The following CADPS2 variants were observed in gnomAD, a reference collection of about 807,000 sequenced individuals.
CADPS2 encodes the protein calcium-dependent secretion activator 2.
In CADPS2, 93 loss-of-function variants were observed where a neutral mutation model predicts 172.5. The ratio of observed to expected loss-of-function variants is 0.54; its 90% CI spans 0.46 to 0.64. CADPS2 has a LOEUF of 0.64. Ranked by LOEUF, CADPS2 falls within the 30% of genes least tolerant of loss-of-function variation. CADPS2 has a pLI of 0.00. For synonymous variants in CADPS2, 546 were observed against 555.2 expected, an observed-to-expected ratio of 0.98 and a Z score of 0.23; for missense variants, 1,420 against 1,565.9, an observed-to-expected ratio of 0.91 and a Z score of 1.57.
At chr7:122,560,961 T>G (rs1342597161) in intron 7 of CADPS2, among the ~76,000 whole-genome samples, 2 of 152,192 alleles carry the variant, frequency 1.3e-5, no homozygotes, top group African/African-American at 4.8e-5. Flanking sequence ...TATGTGAAGA[T>G]GGATCAGATG....
chr7:122,705,495 CTATAT>C (rs1373005503), intron 2 of CADPS2, among the ~76,000 whole-genome samples: 4 of 112,658 alleles, frequency 3.6e-5, no homozygotes, highest in Admixed American at 1.1e-4. Flanking sequence ...TATATATTAT[CTATAT>C]TATATATTAT....
At chr7:122,516,186 T>C (rs1461626957) in intron 8 of CADPS2, among the ~76,000 whole-genome samples, 1 of 152,162 alleles carries the variant, frequency 6.6e-6, no homozygotes, top group Non-Finnish European at 1.5e-5. Context: ...TATCCCTATC[T>C]AGCTGCTATT....
intron 1 of CADPS2, among the ~76,000 whole-genome samples, chr7:122,819,597 A>G (rs975079371): frequency 3.4e-5 from 5 of 149,234 alleles, no homozygotes; most frequent in Non-Finnish European, 7.4e-5. Context: ...AAACCTCTTA[A>G]AACTCCCCAA....
chr7:122,820,607 T>C (rs1802944436), intron 1 of CADPS2, among the ~76,000 whole-genome samples: 1 of 121,012 alleles, frequency 8.3e-6, no homozygotes, highest in African/African-American at 3.3e-5. Context: ...TCGCCCAGGC[T>C]GGAGTGCAGT....
At chr7:122,860,732 T>C (rs761035682) in intron 1 of CADPS2, among the ~76,000 whole-genome samples, 19 of 152,286 alleles carry the variant, frequency 1.2e-4, no homozygotes, top group Admixed American at 3.3e-4. Context: ...TCTAAACCCC[T>C]GTACCCAATA....
intron 25 of CADPS2, among the ~76,000 whole-genome samples, chr7:122,361,248 A>T (rs10248303): frequency 0.28 from 30,853 of 110,012 alleles, 5,009 homozygotes; most frequent in African/African-American, 0.45. Context: ...TTTTTTTTTA[A>T]AATGAGATGG....
intron 20 of CADPS2, among the ~76,000 whole-genome samples, chr7:122,406,047 GTTAA>G (rs1029557149): frequency 7.2e-5 from 11 of 152,140 alleles, no homozygotes; most frequent in African/African-American, 2.7e-4. Context: ...AGCTCATGTT[GTTAA>G]TTACTCTAAC....
At position 122,663,500 on chromosome 7, in the gene CADPS2, C is replaced by T. The variant is rs752579031; in HGVS notation, c.523G>A (p.Glu175Lys). 1 of 1,612,278 alleles carries T rather than the reference C, an allele frequency of 6.2e-7. No homozygotes were observed. Among genetic ancestry groups the T allele is most frequent in the Non-Finnish European group, 8.5e-7 (1 of 1,178,946 alleles). ...SGGCSANDFR[E>K]VFKKNIEKRV... ...TTTTCTATGTTTTTCTTAAATACTT[C>T]TCTGAAGTCATTAGCAGAACACCCT... Residue 175 changes from glutamate to lysine, a missense_variant, in exon 3 of 30, where the codon GAA becomes AAA. Glu to Lys is a moderately conservative substitution (Grantham distance 56). Coordinates refer to ENST00000449022, the MANE Select transcript of CADPS2 (RefSeq NM_017954.11).
chr7:122,386,047 G>A (rs969248069), intron 24 of CADPS2, among the ~76,000 whole-genome samples: 1 of 151,978 alleles, frequency 6.6e-6, no homozygotes, highest in Non-Finnish European at 1.5e-5. Flanking sequence ...TATAAATTCT[G>A]CAGACTAACA....
chr7:122,479,147 A>G (rs1289847924), intron 12 of CADPS2, among the ~76,000 whole-genome samples: 2 of 152,112 alleles, frequency 1.3e-5, no homozygotes, highest in Non-Finnish European at 2.9e-5. Context: ...TCTAGTATCA[A>G]AAGGACTAAA....
intron 1 of CADPS2, among the ~76,000 whole-genome samples, chr7:122,875,311 T>A (rs1773495581): frequency 6.6e-6 from 1 of 152,180 alleles, no homozygotes; most frequent in South Asian, 2.1e-4. Flanking sequence ...ATATACACAG[T>A]AAGTGGATCA....
chr7:122,460,763 C>T (rs2054342687), intron 14 of CADPS2, among the ~76,000 whole-genome samples: 1 of 151,874 alleles, frequency 6.6e-6, no homozygotes, highest in South Asian at 2.1e-4. Context: ...AAAAGATATT[C>T]AGAAGTAATC....
intron 28 of CADPS2, among the ~76,000 whole-genome samples, chr7:122,328,132 G>A (rs372593185): frequency 6.9e-6 from 1 of 145,578 alleles, no homozygotes; most frequent in Non-Finnish European, 1.5e-5. Flanking sequence ...GTAAAATGCA[G>A]ACACACACAC....
At chr7:122,576,773 A>ATT (rs1257767347) in intron 7 of CADPS2, among the ~76,000 whole-genome samples, 7,235 of 135,854 alleles carry the variant, frequency 0.053, 297 homozygotes, top group African/African-American at 0.12. Flanking sequence ...AGGAGATCTG[A>ATT]TTTTTTTTTT....
intron 29 of CADPS2, among the ~76,000 whole-genome samples, chr7:122,321,150 CATTGATTGATTG>C (rs910212286): frequency 2.6e-5 from 4 of 152,102 alleles, no homozygotes; most frequent in African/African-American, 9.7e-5. Context: ...CTTATGTTTA[CATTGATTGATTG>C]ATTGACTGAT....
At chr7:122,796,162 A>T (rs1190174406) in intron 1 of CADPS2, among the ~76,000 whole-genome samples, 1 of 152,320 alleles carries the variant, frequency 6.6e-6, no homozygotes, top group South Asian at 2.1e-4. Flanking sequence ...CAGGGAGGTG[A>T]AATATCTCCA....
At chr7:122,541,591 T>G (rs899843086) in intron 8 of CADPS2, among the ~76,000 whole-genome samples, 2 of 146,180 alleles carry the variant, frequency 1.4e-5, no homozygotes, top group African/African-American at 4.9e-5. Flanking sequence ...ATTTATATAT[T>G]CATATATATT....
At position 122,361,024 on chromosome 7, in the gene CADPS2, G is replaced by C. The variant is rs998275770; in HGVS notation, c.3388-11C>G. ...CAACACTGAAACAAACTATAATACAGTTATAGTGAGTATTTAGAATGTTAC... is the reference window on the plus strand; with the variant it reads ...CAACACTGAAACAAACTATAATACACTTATAGTGAGTATTTAGAATGTTAC... On this transcript the variant is annotated splice_polypyrimidine_tract_variant and intron_variant, in intron 25 of 29. Transcript: ENST00000449022. The C allele has an allele frequency of 6.3e-7, 1 of 1,591,066 alleles. No individual in the cohort carries two copies. The highest frequency in any genetic ancestry group is 1.1e-5 in the South Asian group (1 of 90,100).
At chr7:122,603,571 C>G (rs970374238) in intron 6 of CADPS2, among the ~76,000 whole-genome samples, 1 of 151,954 alleles carries the variant, frequency 6.6e-6, no homozygotes, top group Non-Finnish European at 1.5e-5. Flanking sequence ...CCCCAATTAA[C>G]TCACAAAATA....
Sources: allele counts gnomAD v4.1 joint callset (sites outside exome capture counted in the v4.1 genomes callset), GRCh38; gene constraint gnomAD v4.1.1; transcripts MANE v1.5; gene names NCBI Gene and HGNC (gene_info 2026-07-23, HGNC 2026-07-21).